SV2C: variants seen among roughly 807,000 people sequenced by gnomAD.
The protein encoded by SV2C is solute carrier family 22 member B3.
A neutral mutation model predicts 79.7 loss-of-function variants in SV2C; 49 were observed. The observed-to-expected ratio is 0.61, with a 90% CI of 0.49 to 0.78. The LOEUF (loss-of-function observed/expected upper bound fraction) is 0.78, where lower values mean the gene tolerates loss of function less well. Among genes scored for constraint, SV2C ranks in the 30% least tolerant of loss-of-function variants. The pLI, the probability that SV2C is intolerant of heterozygous loss-of-function variation, is 0.00. For missense variants in SV2C, 833 were observed against 912.9 expected (o/e 0.91, Z 1.13); for synonymous variants, 334 against 333.2 (o/e 1.00, Z -0.03).
the SV2C span, among the ~76,000 whole-genome samples, chr5:75,985,123 C>G: frequency 6.6e-6 from 1 of 151,648 alleles, no homozygotes; most frequent in South Asian, 2.1e-4. Context: ...TGAAGGCAAG[C>G]AGAAGAGGAG....
chr5:76,155,487 G>C (rs1208346130), intron 2 of SV2C, among the ~76,000 whole-genome samples: 3 of 152,122 alleles, frequency 2.0e-5, no homozygotes. Flanking sequence ...CTGTTGTCTT[G>C]GAAAGGACAG....
At chr5:75,914,083 G>T in the SV2C span, among the ~76,000 whole-genome samples, 1 of 152,168 alleles carries the variant, frequency 6.6e-6, no homozygotes, top group South Asian at 2.1e-4. Flanking sequence ...GCTAATCATG[G>T]CTCTGCATCA....
the SV2C span, among the ~76,000 whole-genome samples, chr5:76,077,991 G>C: frequency 1.2e-4 from 18 of 152,226 alleles, no homozygotes; most frequent in Admixed American, 1.0e-3. Context: ...GGCAGGATTA[G>C]TGTTCAGGAA....
At chr5:76,049,023 G>GAAAGAAAGAAAGAAAGA in the SV2C span, among the ~76,000 whole-genome samples, 2 of 82,582 alleles carry the variant, frequency 2.4e-5, no homozygotes, top group Non-Finnish European at 4.7e-5. Context: ...AAGAAAGAAA[G>GAAAGAAAGAAAGAAAGA]AAAAAGAAAA....
At chr5:76,184,088 T>A (rs1414001887) in intron 2 of SV2C, among the ~76,000 whole-genome samples, 1 of 152,228 alleles carries the variant, frequency 6.6e-6, no homozygotes, top group Non-Finnish European at 1.5e-5. Flanking sequence ...CTGAACCCTA[T>A]GCCAAAACCT....
intron 3 of SV2C, among the ~76,000 whole-genome samples, chr5:76,199,836 A>G (rs563014340): frequency 1.4e-4 from 21 of 152,228 alleles, no homozygotes; most frequent in African/African-American, 5.1e-4. Flanking sequence ...TGTCCCCTCC[A>G]TCATTCCCAG....
rs1289994099 is a variant in SV2C at position 76,331,528 on chromosome 5, G to T, written c.*5981G>T. 1 of 152,182 alleles carries T rather than the reference G, an allele frequency of 6.6e-6. No individual in the cohort carries two copies. The highest frequency in any genetic ancestry group is 1.5e-5 in the Non-Finnish European group (1 of 68,066). 9.4% of individuals were successfully genotyped at this position (152,182 alleles called of 1,614,324 possible). A position where few individuals can be genotyped will look rare whatever the true frequency, so the allele number is the denominator to read the frequency against. On this transcript the variant is annotated 3_prime_UTR_variant, in exon 13 of 13. Transcript: ENST00000502798. ...GTTGCAAAGGATGTTTGGGGTTCTA[G>T]GGCCTGCAGGGGGGCAGAGCAGAAA...
the SV2C span, among the ~76,000 whole-genome samples, chr5:75,920,151 G>A: frequency 6.6e-6 from 1 of 152,162 alleles, no homozygotes; most frequent in Admixed American, 6.5e-5. Flanking sequence ...GGGGGCTAAG[G>A]GCACAGAAGG....
chr5:76,253,616 G>A (rs930462166), intron 4 of SV2C, among the ~76,000 whole-genome samples: 10 of 150,798 alleles, frequency 6.6e-5, no homozygotes, highest in African/African-American at 1.7e-4. Flanking sequence ...AGCATAAAGT[G>A]TGGTTCCATA....
the SV2C span, among the ~76,000 whole-genome samples, chr5:75,887,665 T>C: frequency 6.6e-6 from 1 of 152,106 alleles, no homozygotes; most frequent in Non-Finnish European, 1.5e-5. Context: ...TGCACAAATA[T>C]GATGCTCTGG....
chr5:75,909,171 C>T, the SV2C span, among the ~76,000 whole-genome samples: 14 of 152,158 alleles, frequency 9.2e-5, no homozygotes, highest in Non-Finnish European at 1.9e-4. Flanking sequence ...CACTGATTTC[C>T]ACGGTGCCAT....
intron 8 of SV2C, among the ~76,000 whole-genome samples, chr5:76,292,964 A>G (rs2112508224): frequency 6.6e-6 from 1 of 152,328 alleles, no homozygotes; most frequent in East Asian, 1.9e-4. Flanking sequence ...TGCAAGTTTC[A>G]TCTCTTAACA....
the SV2C span, among the ~76,000 whole-genome samples, chr5:76,003,328 C>A: frequency 6.6e-6 from 1 of 152,048 alleles, no homozygotes. Flanking sequence ...TACGTTTCAG[C>A]CAAAATTTAA....
intron 3 of SV2C, among the ~76,000 whole-genome samples, chr5:76,195,427 C>T (rs528170106): frequency 2.0e-5 from 3 of 152,292 alleles, no homozygotes; most frequent in Admixed American, 1.3e-4. Flanking sequence ...AAATAGCTCT[C>T]GTCCTACCTG....
At chr5:76,130,145 TAAAA>T (rs375351450) in intron 1 of SV2C, among the ~76,000 whole-genome samples, 226 of 67,642 alleles carry the variant, frequency 3.3e-3, no homozygotes, top group East Asian at 0.024. Flanking sequence ...TCTCAGTTCT[TAAAA>T]AAAAAAAAAA....
the SV2C span, among the ~76,000 whole-genome samples, chr5:75,998,395 T>C: frequency 5.9e-5 from 9 of 152,092 alleles, no homozygotes; most frequent in African/African-American, 2.2e-4. Flanking sequence ...AACAATAGTA[T>C]ACTCATGCCA....
At chr5:76,246,266 G>A (rs778131050) in intron 4 of SV2C, among the ~76,000 whole-genome samples, 3 of 152,252 alleles carry the variant, frequency 2.0e-5, no homozygotes, top group South Asian at 2.1e-4. Context: ...TGGGTCTGCG[G>A]TTACCTTTGT....
chr5:76,062,314 G>C, the SV2C span, among the ~76,000 whole-genome samples: 1 of 152,056 alleles, frequency 6.6e-6, no homozygotes, highest in African/African-American at 2.4e-5. Flanking sequence ...GGGATTAGGT[G>C]CTCTTATAAA....
chr5:76,320,810 A>G (rs1299818745), intron 12 of SV2C, among the ~76,000 whole-genome samples: 1 of 152,204 alleles, frequency 6.6e-6, no homozygotes, highest in Non-Finnish European at 1.5e-5. Flanking sequence ...AAGAAGAGGA[A>G]GAATATGAAA....
Sources: allele counts gnomAD v4.1 joint callset (sites outside exome capture counted in the v4.1 genomes callset), GRCh38; gene constraint gnomAD v4.1.1; transcripts MANE v1.5; gene names NCBI Gene and HGNC (gene_info 2026-07-23, HGNC 2026-07-21).